SAMD9L: variants seen among roughly 807,000 people sequenced by gnomAD.
SAMD9L encodes the protein sterile alpha motif domain-containing protein 9-like.
Under a neutral mutation model 90.7 loss-of-function variants are expected in SAMD9L, and 68 were observed. The ratio of observed to expected loss-of-function variants is 0.75; its 90% CI spans 0.62 to 0.92. The LOEUF is 0.92. SAMD9L is among the 40% of genes least tolerant of loss of function. SAMD9L has a pLI of 0.00. For synonymous variants in SAMD9L, 640 were observed against 630.1 expected (o/e 1.02, Z -0.23); for missense variants, 1,604 against 1,824.3 (o/e 0.88, Z 2.20).
Position 93,134,567 on chromosome 7 carries a change from A to AGTGAAG in SAMD9L, c.1399_1404dup (p.Leu467_His468dup). 6.2e-7 allele frequency: 1 copy of AGTGAAG among 1,613,984 alleles called. No individual in the cohort carries two copies. The highest frequency in any genetic ancestry group is 8.5e-7 in the Non-Finnish European group (1 of 1,179,908). On this transcript the variant is annotated inframe_insertion, in exon 5 of 5. Transcript: ENST00000318238. ...GTCTTGTCTTCATATTGATTTGGAAAGTGAAGGTTTGCCACCCGACTTTCT... is the reference window on the plus strand; with the variant it reads ...GTCTTGTCTTCATATTGATTTGGAAAGTGAAGGTGAAGGTTTGCCACCCGACTTTCT...
At chr7:93,137,494 G>T (rs1454291483) in intron 4 of SAMD9L, among the ~76,000 whole-genome samples, 1 of 151,676 alleles carries the variant, frequency 6.6e-6, no homozygotes, top group Non-Finnish European at 1.5e-5. Flanking sequence ...CAAGCTCAGG[G>T]CTCCCACTGA....
Position 93,134,311 on chromosome 7 carries a change from T to C in SAMD9L, c.1661A>G (p.Glu554Gly), listed in dbSNP as rs1792306932. The change falls in exon 5 of 5, where the codon GAA becomes GGA. Residue 554 changes from glutamate (E) to glycine (G), a missense_variant. Coordinates refer to ENST00000318238, the MANE Select transcript of SAMD9L (RefSeq NM_152703.5). The part of the protein sequence containing the change: ...LVVFLLLSSV[E>G]SPGDPLIETF... ...TTCAATGAGTGGATCTCCTGGGCTT[T>C]CCACTGAAGAGAGTAATAGAAACAC... The C allele has an allele frequency of 1.2e-6, 2 of 1,612,094 alleles. No individual in the cohort carries two copies. The highest frequency in any genetic ancestry group is 2.7e-5 in the African/African-American group (2 of 74,724).
In SAMD9L at chr7:93,148,244, C is replaced by T. The variant is rs118096738; in HGVS notation, c.-1093G>A. On this transcript the variant is annotated 5_prime_UTR_variant, in exon 1 of 5. An upstream open reading frame in the 5' UTR gains an earlier in-frame stop. Transcript: ENST00000318238. ...TTTTATATCAGAAACTTGAAACAGG[C>T]CATTTGAACTTTTGCTGTCTCATTC... 6 of 152,244 alleles carry T rather than the reference C, an allele frequency of 3.9e-5. No homozygotes were observed. The South Asian group carries it at 1.2e-3, about 32-fold the overall frequency. 9.4% of individuals were successfully genotyped at this position (152,244 alleles called of 1,614,324 possible). A position where few individuals can be genotyped will look rare whatever the true frequency, so the allele number is the denominator to read the frequency against.
At chr7:93,146,670 C>T (rs1401697888) in intron 2 of SAMD9L, among the ~76,000 whole-genome samples, 1 of 152,260 alleles carries the variant, frequency 6.6e-6, no homozygotes, top group East Asian at 1.9e-4. Flanking sequence ...CCTCATTTTC[C>T]TAGGGAAATT....
In SAMD9L at chr7:93,133,539, G is replaced by T. The variant is rs745666788; in HGVS notation, c.2433C>A (p.Val811=). Residue 811 remains valine, a synonymous_variant, in exon 5 of 5, where the codon GTC becomes GTA. Transcript: ENST00000318238. ...AATGGATGGCATTTTGTAGAAAGTA[G>T]ACATTTTCTTGTTCTTCAAAATCAT... The part of the protein sequence containing the change: ...LVDDFEEQEN[V]YFLQNAIHSV... 44 of 1,613,508 alleles carry T rather than the reference G, an allele frequency of 2.7e-5. 2 individuals are homozygous for T. The highest frequency in any genetic ancestry group is 3.6e-5 in the Non-Finnish European group (42 of 1,179,810).
rs1792347899 is a variant in SAMD9L, at chr7:93,134,893, T to C, written c.1079A>G (p.Asp360Gly). The C allele has an allele frequency of 1.2e-6, 2 of 1,613,936 alleles. No homozygotes were observed. The highest frequency in any genetic ancestry group is 1.7e-6 in the Non-Finnish European group (2 of 1,179,964). The part of the protein sequence containing the change: ...RDILANSKQR[D>G]VDFKAFLQNL... ...TTGTAAAAATGCCTTGAAATCTACA[T>C]CCCGTTGCTTGGAATTGGCCAGGAT... The change falls in exon 5 of 5, where the codon GAT (aspartate) becomes GGT (glycine). Residue 360 changes from aspartate to glycine, a missense_variant. By Grantham distance (94) the Asp-to-Gly change is moderately conservative. Coordinates refer to ENST00000318238, the MANE Select transcript of SAMD9L (RefSeq NM_152703.5).
In SAMD9L at chr7:93,141,958, G is replaced by T. The variant is rs373030423; in HGVS notation, c.-21+2774C>A. ...CTGTCTTTTTGACCTCATTACTTCT[G>T]CTCACTTCCCTCCAGCTGCCCAGTT... On this transcript the variant is annotated intron_variant, in intron 4 of 4. Transcript: ENST00000318238. 4.6e-5 allele frequency among the ~76,000 whole-genome samples: 7 copies of T among 152,164 alleles called. No individual in the cohort carries two copies. The East Asian group carries it at 9.7e-4, about 21-fold the overall frequency.
chr7:93,133,507 A>T lies in SAMD9L; in HGVS notation c.2465T>A (p.Leu822Ter), dbSNP rs752203835. 6.2e-7 allele frequency: 1 copy of T among 1,612,898 alleles called. No individual in the cohort carries two copies. Residue 822 changes from leucine (L) to a stop codon, truncating the protein, a stop_gained, in exon 5 of 5, where the codon TTA (leucine) becomes TAA (stop). Transcript: ENST00000318238. LOFTEE classifies it high-confidence loss of function. The stretch of plus-strand genomic sequence containing the variant: ...TTCATATCGCAAATCCTTTTCTGCT[A>T]AAACGGAATGGATGGCATTTTGTAG... ...YFLQNAIHSV[L>*]AEKDLRYEKT...
intron 4 of SAMD9L, among the ~76,000 whole-genome samples, chr7:93,141,207 C>A (rs1321977199): frequency 6.6e-6 from 1 of 152,220 alleles, no homozygotes; most frequent in African/African-American, 2.4e-5. Context: ...TAGTCCTTCT[C>A]AGTTTCCTCT....
Position 93,133,540 on chromosome 7 carries a change from A to G in SAMD9L, c.2432T>C (p.Val811Ala). The G allele has an allele frequency of 6.2e-7, 1 of 1,613,760 alleles. No homozygotes were observed. The highest frequency in any genetic ancestry group is 8.5e-7 in the Non-Finnish European group (1 of 1,179,840). Residue 811 changes from valine (V) to alanine (A), a missense_variant, in exon 5 of 5, where the codon GTC (valine) becomes GCC (alanine). By Grantham distance (64) the Val-to-Ala change is moderately conservative. Around this residue, in one of 7 missense-constraint regions of SAMD9L, gnomAD observed 606 missense variants for 717.6 expected, o/e 0.84. Transcript: ENST00000318238. ...ATGGATGGCATTTTGTAGAAAGTAGACATTTTCTTGTTCTTCAAAATCATC... is the reference window on the plus strand; with the variant it reads ...ATGGATGGCATTTTGTAGAAAGTAGGCATTTTCTTGTTCTTCAAAATCATC... The part of the protein sequence containing the change: ...LVDDFEEQEN[V>A]YFLQNAIHSV...
At chr7:93,141,457 T>C (rs561303807) in intron 4 of SAMD9L, among the ~76,000 whole-genome samples, 5 of 152,312 alleles carry the variant, frequency 3.3e-5, no homozygotes, top group South Asian at 2.1e-4. Context: ...AAAACGAACA[T>C]GGCCAAAATT....
chr7:93,133,813 T>C lies in SAMD9L; in HGVS notation c.2159A>G (p.Asp720Gly). ...VKRDSYEKLK[D>G]LIHCWAESPK... ...AGACTCTGCCCAGCAGTGTATTAAA[T>C]CTTTAAGCTTTTCATAACTGTCCCT... is the stretch of plus-strand genomic sequence containing the variant. Residue 720 changes from aspartate to glycine, a missense_variant, in exon 5 of 5, where the codon GAT (aspartate) becomes GGT (glycine). By Grantham distance (94) the Asp-to-Gly change is moderately conservative. Around this residue, in one of 7 missense-constraint regions of SAMD9L, gnomAD observed 606 missense variants for 717.6 expected, o/e 0.84. Coordinates refer to ENST00000318238, the MANE Select transcript of SAMD9L (RefSeq NM_152703.5). 1 of 1,613,624 alleles carries C rather than the reference T, an allele frequency of 6.2e-7. No individual in the cohort carries two copies. The highest frequency in any genetic ancestry group is 1.1e-5 in the South Asian group (1 of 91,014).
chr7:93,134,058 ACGGG>A lies in SAMD9L; in HGVS notation c.1910_1913del (p.Ala637ValfsTer8). The A allele has an allele frequency of 6.2e-7, 1 of 1,613,934 alleles. No homozygotes were observed. The highest frequency in any genetic ancestry group is 8.5e-7 in the Non-Finnish European group (1 of 1,179,890). On this transcript the variant is annotated frameshift_variant, in exon 5 of 5. Transcript: ENST00000318238. LOFTEE classifies it high-confidence loss of function. ...TCTCTAGGATAACTGAAGAAGATCCACGGGCGGGCAAAAACCTTCTTGATGACCG... is the reference window on the plus strand; with the variant it reads ...TCTCTAGGATAACTGAAGAAGATCCACGGGCAAAAACCTTCTTGATGACCG...
chr7:93,143,905 A>G (rs1474923155), intron 4 of SAMD9L, among the ~76,000 whole-genome samples: 5 of 152,110 alleles, frequency 3.3e-5, no homozygotes, highest in African/African-American at 9.7e-5. Context: ...TGTGACTTAA[A>G]CCTTACACCC....
intron 4 of SAMD9L, among the ~76,000 whole-genome samples, chr7:93,138,465 A>G (rs1194566235): frequency 6.6e-6 from 1 of 152,120 alleles, no homozygotes; most frequent in Non-Finnish European, 1.5e-5. Context: ...AAAAGTTTGT[A>G]CTGACAAAGT....
Position 93,132,423 on chromosome 7 carries a change from C to T in SAMD9L, c.3549G>A (p.Gln1183=), listed in dbSNP as rs545103759. 1.3e-5 allele frequency: 21 copies of T among 1,613,636 alleles called. No homozygotes were observed. In the South Asian group the frequency reaches 1.8e-4, roughly 14 times the overall value. ...KNYETENWSP[Q]KSQRRYDMYN... ...ACATGTCATATCGTCTCTGGGACTT[C>T]TGTGGTGACCAGTTCTCGGTTTCAT... The change falls in exon 5 of 5, where the codon CAG becomes CAA. Residue 1183 remains glutamine, a synonymous_variant. Transcript: ENST00000318238.
chr7:93,131,868 C>CAGT lies in SAMD9L; in HGVS notation c.4101_4103dup (p.Leu1368dup). The CAGT allele has an allele frequency of 6.2e-7, 1 of 1,611,816 alleles. No individual in the cohort carries two copies. Among genetic ancestry groups the CAGT allele is most frequent in the South Asian group, 1.1e-5 (1 of 91,066 alleles). ...TCATGGGCTTTTTTGAGTTTTGCTGCAGTAGGAAGGCATATTCATTCACTA... is the reference window on the plus strand; with the variant it reads ...TCATGGGCTTTTTTGAGTTTTGCTGCAGTAGTAGGAAGGCATATTCATTCACTA... On this transcript the variant is annotated inframe_insertion, in exon 5 of 5. Coordinates refer to ENST00000318238, the MANE Select transcript of SAMD9L (RefSeq NM_152703.5).
Position 93,132,362 on chromosome 7 carries a change from C to A in SAMD9L, c.3610G>T (p.Gly1204Cys), listed in dbSNP as rs375973426. The stretch of plus-strand genomic sequence containing the variant: ...TGAAGAATCTGGATAGTGTAAAGAC[C>A]AACTTCTATTTCACCCAAGAAACAA... ...TACFLGEIEV[G>C]LYTIQILQLT... The change falls in exon 5 of 5, where the codon GGT becomes TGT. Residue 1204 changes from glycine (G) to cysteine (C), a missense_variant. Physicochemically the swap from Gly to Cys is radical, Grantham distance 159. Transcript: ENST00000318238. 2.0e-5 allele frequency: 33 copies of A among 1,613,664 alleles called. No individual in the cohort carries two copies. The African/African-American group carries it at 4.0e-4, about 20-fold the overall frequency.
rs747115736 is a variant in SAMD9L, at chr7:93,132,712, G to T, written c.3260C>A (p.Ala1087Asp). 12 of 1,613,814 alleles carry T rather than the reference G, an allele frequency of 7.4e-6. No homozygotes were observed. The highest frequency in any genetic ancestry group is 9.3e-6 in the Non-Finnish European group (11 of 1,179,828). ...TTTAATGTAGAAATGTCTTGCTAAGGCTTGACAAATGAATGCATTTTGTGG... is the reference window on the plus strand; with the variant it reads ...TTTAATGTAGAAATGTCTTGCTAAGTCTTGACAAATGAATGCATTTTGTGG... ...RFPQNAFICQ[A>D]LARHFYIKEK... The change falls in exon 5 of 5, where the codon GCC becomes GAC. Residue 1087 changes from alanine to aspartate, a missense_variant. Physicochemically the swap from Ala to Asp is moderately radical, Grantham distance 126. This residue lies in a region of SAMD9L where 302 missense variants were observed against 314.7 expected (regional missense o/e 0.96). Coordinates refer to ENST00000318238, the MANE Select transcript of SAMD9L (RefSeq NM_152703.5).
Sources: allele counts gnomAD v4.1 joint callset (sites outside exome capture counted in the v4.1 genomes callset), GRCh38; gene constraint gnomAD v4.1.1; regional missense constraint gnomAD v4.1.1; transcripts MANE v1.5; gene names NCBI Gene and HGNC (gene_info 2026-07-23, HGNC 2026-07-21).